ALG6: variants seen among roughly 807,000 people sequenced by gnomAD.
ALG6 encodes ALG6 alpha-1,3-glucosyltransferase, also known as dolichyl pyrophosphate Man9GlcNAc2 alpha-1,3-glucosyltransferase.
ALG6 carries 46 observed loss-of-function variants against 66.6 expected under a neutral mutation model. The observed-to-expected ratio is 0.69, with a 90% CI of 0.55 to 0.88. The LOEUF is 0.88. ALG6 is among the 40% of genes least tolerant of loss of function. The pLI is 0.00. For synonymous variants in ALG6, 185 were observed against 203.7 expected, an observed-to-expected ratio of 0.91 and a Z score of 0.78; for missense variants, 505 against 586.8, an observed-to-expected ratio of 0.86 and a Z score of 1.44.
chr1:63,421,967 A>G (rs950974156), intron 12 of ALG6, among the ~76,000 whole-genome samples: 13 of 148,678 alleles, frequency 8.7e-5, no homozygotes, highest in African/African-American at 3.2e-4. Context: ...GTGTATACCT[A>G]TGTAACAAAC....
intron 1 of ALG6, among the ~76,000 whole-genome samples, chr1:63,369,273 A>G (rs1202319126): frequency 1.3e-5 from 2 of 152,236 alleles, no homozygotes; most frequent in African/African-American, 4.8e-5. Flanking sequence ...GGCATCAATG[A>G]CAAAAGATTA....
rs1293972680 is a variant in ALG6 at position 63,429,207 on chromosome 1, A to G, written c.1326+81A>G. The G allele has an allele frequency of 3.8e-6, 4 of 1,053,798 alleles. No individual in the cohort carries two copies. In the South Asian group the frequency reaches 5.8e-5, roughly 15 times the overall value. The allele number at this position is 1,053,798 out of a possible 1,614,324, so 65.3% of individuals were successfully genotyped here. ...ATTATTGAAGTAGTGATTTTCTTTT[A>G]TACCTTTTTGAGATATAATTCACAT... is the stretch of plus-strand genomic sequence containing the variant. On this transcript the variant is annotated intron_variant, in intron 14 of 14. Coordinates refer to ENST00000263440, the MANE Select transcript of ALG6 (RefSeq NM_013339.4).
chr1:63,428,067 A>C (rs951203774), intron 12 of ALG6, among the ~76,000 whole-genome samples: 3 of 151,926 alleles, frequency 2.0e-5, no homozygotes, highest in Admixed American at 6.6e-5. Flanking sequence ...GCCTTGGCCT[A>C]CCAAAGTACT....
In ALG6 at chr1:63,375,094, G is replaced by T. The variant is rs775211623; in HGVS notation, c.82+4035G>T. The stretch of plus-strand genomic sequence containing the variant: ...CACATGCCTGTAGTCCTAGCTACTC[G>T]GGCCTCTGAGGTGGGTGGATTGCTT... On this transcript the variant is annotated intron_variant, in intron 2 of 14. Transcript: ENST00000263440. Among the ~76,000 whole-genome samples, 86 of 152,010 alleles carry T rather than the reference G, an allele frequency of 5.7e-4. No individual in the cohort carries two copies. In the Middle Eastern group the frequency reaches 0.014, roughly 24 times the overall value.
chr1:63,386,825 A>G (rs1392834896), intron 2 of ALG6, among the ~76,000 whole-genome samples: 1 of 151,744 alleles, frequency 6.6e-6, no homozygotes, highest in Non-Finnish European at 1.5e-5. Context: ...TTCTTCTACT[A>G]ATTTTCTGTT....
At position 63,370,968 on chromosome 1, in the gene ALG6, T is replaced by C; in HGVS notation, c.-10T>C. The C allele has an allele frequency of 6.3e-7, 1 of 1,584,226 alleles. No individual in the cohort carries two copies. The highest frequency in any genetic ancestry group is 8.7e-7 in the Non-Finnish European group (1 of 1,152,764). On this transcript the variant is annotated 5_prime_UTR_variant, in exon 2 of 15. Coordinates refer to ENST00000263440, the MANE Select transcript of ALG6 (RefSeq NM_013339.4). Reference sequence around the variant, plus strand: ...CTGTGTTTTCTTCCCCTCCCTAAATTTGAAGAACTATGGAGAAATGGTACT... The same window carrying C: ...CTGTGTTTTCTTCCCCTCCCTAAATCTGAAGAACTATGGAGAAATGGTACT...
At position 63,387,532 on chromosome 1, in the gene ALG6, CTTTTT is replaced by C. The variant is rs760731397; in HGVS notation, c.83-8958_83-8954del. Among the ~76,000 whole-genome samples, 464 of 59,440 alleles carry C rather than the reference CTTTTT, an allele frequency of 7.8e-3. 3 individuals carry two copies. Among genetic ancestry groups the C allele is most frequent in the African/African-American group, 0.03 (429 of 14,168 alleles). The allele number at this position is 59,440 out of a possible 152,430, so 39.0% of individuals were successfully genotyped here. On this transcript the variant is annotated intron_variant, in intron 2 of 14. Coordinates refer to ENST00000263440, the MANE Select transcript of ALG6 (RefSeq NM_013339.4). The stretch of plus-strand genomic sequence containing the variant: ...ATATAATGACCTTCTTTGTCTTTCT[CTTTTT>C]TTTTTTTTTTTTTTTTTTTTTTGAG...
intron 14 of ALG6, among the ~76,000 whole-genome samples, chr1:63,431,434 T>C (rs544637868): frequency 6.6e-6 from 1 of 152,312 alleles, no homozygotes; most frequent in Admixed American, 6.5e-5. Context: ...TTTATTTTTT[T>C]GAGACAAGGT....
intron 11 of ALG6, among the ~76,000 whole-genome samples, 167 bp from the exon 12 acceptor site, chr1:63,419,203 A>G (rs1479556900): frequency 1.3e-5 from 2 of 152,196 alleles, no homozygotes; most frequent in African/African-American, 2.4e-5. Flanking sequence ...CAATTTTTTA[A>G]TTTGATTAAA....
chr1:63,428,735 C>A lies in ALG6; in HGVS notation c.1061C>A (p.Pro354Gln). 1 of 1,598,448 alleles carries A rather than the reference C, an allele frequency of 6.3e-7. No homozygotes were observed. Among genetic ancestry groups the A allele is most frequent in the Non-Finnish European group, 8.5e-7 (1 of 1,169,938 alleles). ...TATTTTTTTCTTTACGATTTTAGAC[C>A]AGTCTGCTTAGTTTTAAGTGAAATT... ...HEKSILLVSL[P>Q]VCLVLSEIPF... Residue 354 changes from proline to glutamine, a missense_variant and splice_region_variant, in exon 13 of 15, where the codon CCA becomes CAA. By Grantham distance (76) the Pro-to-Gln change is moderately conservative. Coordinates refer to ENST00000263440, the MANE Select transcript of ALG6 (RefSeq NM_013339.4).
At chr1:63,422,407 A>G (rs1282177887) in intron 12 of ALG6, among the ~76,000 whole-genome samples, 3 of 72,526 alleles carry the variant, frequency 4.1e-5, no homozygotes, top group African/African-American at 1.4e-4. Flanking sequence ...ATATCTATAT[A>G]AATATAAATA....
rs545459982 is a variant in ALG6 at position 63,434,973 on chromosome 1, A to C, written c.1327-1850A>C. On this transcript the variant is annotated intron_variant, in intron 14 of 14. Coordinates refer to ENST00000263440, the MANE Select transcript of ALG6 (RefSeq NM_013339.4). Reference sequence around the variant, plus strand: ...GGAAGCCAAGTGAACGAAGTGTTTCAGTGAGAGGAGAGTGATTTCAAATGC... The same window carrying C: ...GGAAGCCAAGTGAACGAAGTGTTTCCGTGAGAGGAGAGTGATTTCAAATGC... Among the ~76,000 whole-genome samples the C allele has an allele frequency of 1.2e-4, 18 of 152,346 alleles. No individual in the cohort carries two copies. In the East Asian group the frequency reaches 2.9e-3, roughly 24 times the overall value.
intron 2 of ALG6, 175 bp downstream of exon 2, chr1:63,371,234 C>A: frequency 1.7e-6 from 1 of 601,442 alleles, no homozygotes; most frequent in Admixed American, 2.9e-5. Flanking sequence ...TGGATAACAG[C>A]TAAATAGAAG....
chr1:63,402,220 C>T (rs760890856), intron 3 of ALG6, 34 bp from the exon 4 acceptor site: 55 of 1,265,450 alleles, frequency 4.3e-5, no homozygotes, highest in Non-Finnish European at 5.7e-5. Context: ...TATTGATTAA[C>T]GGAATGGTGC....
intron 2 of ALG6, among the ~76,000 whole-genome samples, chr1:63,371,958 G>A (rs983926987): frequency 6.6e-6 from 1 of 152,200 alleles, no homozygotes; most frequent in Non-Finnish European, 1.5e-5. Context: ...TAATTATAAT[G>A]TAGGAGTATG....
At chr1:63,412,193 G>T in intron 9 of ALG6, 132 bp downstream of exon 9, 1 of 1,377,044 alleles carries the variant, frequency 7.3e-7, no homozygotes, top group Non-Finnish European at 1.0e-6. Context: ...GCCAGTTATT[G>T]CTTGATTGAT....
intron 2 of ALG6, among the ~76,000 whole-genome samples, chr1:63,396,062 T>C (rs1421514670): frequency 6.6e-6 from 1 of 152,182 alleles, no homozygotes. Context: ...ATGCAAATAC[T>C]ATGGCATTTT....
At chr1:63,430,141 A>G (rs1644638396) in intron 14 of ALG6, among the ~76,000 whole-genome samples, 1 of 152,154 alleles carries the variant, frequency 6.6e-6, no homozygotes, top group Non-Finnish European at 1.5e-5. Flanking sequence ...TTGGCCTCCC[A>G]AAGTGCTGGG....
chr1:63,425,019 A>G (rs1361465857), intron 12 of ALG6, among the ~76,000 whole-genome samples: 1 of 152,034 alleles, frequency 6.6e-6, no homozygotes, highest in Admixed American at 6.5e-5. Flanking sequence ...ACCTCAAGTG[A>G]TCTGCCTGCC....
Sources: allele counts gnomAD v4.1 joint callset (sites outside exome capture counted in the v4.1 genomes callset), GRCh38; gene constraint gnomAD v4.1.1; transcripts MANE v1.5; gene names NCBI Gene and HGNC (gene_info 2026-07-23, HGNC 2026-07-21).